Variants in SLC7A11 observed in about 807,000 individuals in gnomAD.
The protein encoded by SLC7A11 is solute carrier family 7 member 11.
In SLC7A11, 35 loss-of-function variants were observed where a neutral mutation model predicts 54.5. The observed-to-expected ratio is 0.64, with a 90% CI of 0.49 to 0.85. The LOEUF (loss-of-function observed/expected upper bound fraction) is 0.85. Ranked by LOEUF, SLC7A11 falls within the 40% of genes least tolerant of loss-of-function variation. The pLI is 0.00. For synonymous variants in SLC7A11, 230 were observed against 225.2 expected (o/e 1.02, Z -0.19); for missense variants, 583 against 618.1 (o/e 0.94, Z 0.60).
intron 3 of SLC7A11, among the ~76,000 whole-genome samples, chr4:138,226,924 T>C (rs1479277335): frequency 6.6e-6 from 1 of 152,202 alleles, no homozygotes; most frequent in Non-Finnish European, 1.5e-5. Flanking sequence ...CAGGGACATA[T>C]AGTTTTTATT....
At position 138,223,223 on chromosome 4, in the gene SLC7A11, G is replaced by A. The variant is rs768960163; in HGVS notation, c.622C>T (p.Pro208Ser). 1 of 1,613,214 alleles carries A rather than the reference G, an allele frequency of 6.2e-7. No homozygotes were observed. The highest frequency in any genetic ancestry group is 1.7e-5 in the Admixed American group (1 of 59,964). The change falls in exon 4 of 12, where the codon CCT becomes TCT. Residue 208 changes from proline (P) to serine (S), a missense_variant. Transcript: ENST00000280612. ...KLTAILIIIV[P>S]GVMQLIKGQT... ...CCTTTAATTAGCTGCATAACTCCAG[G>A]GACTATAATTATCAGAATTGCTGTG...
intron 7 of SLC7A11, 123 bp downstream of exon 7, chr4:138,184,998 T>C: frequency 9.4e-7 from 1 of 1,065,674 alleles, no homozygotes; most frequent in Non-Finnish European, 1.4e-6. Context: ...AAATATTCAC[T>C]ATTATTCAGG....
At position 138,171,735 on chromosome 4, in the gene SLC7A11, G is replaced by A. The variant is rs28475437; in HGVS notation, c.*221C>T. 1,446 of 492,728 alleles carry A rather than the reference G, an allele frequency of 2.9e-3. 18 individuals are homozygous for A. Among genetic ancestry groups the A allele is most frequent in the African/African-American group, 0.026 (1,292 of 48,870 alleles). 30.5% of individuals were successfully genotyped at this position (492,728 alleles called of 1,614,324 possible). A position where few individuals can be genotyped will look rare whatever the true frequency, so the allele number is the denominator to read the frequency against. Reference sequence around the variant, plus strand: ...GGTATCAGAGACTCAAGAATTGTGCGACTCATAGAATAACTGCATATTCAC... The same window carrying A: ...GGTATCAGAGACTCAAGAATTGTGCAACTCATAGAATAACTGCATATTCAC... On this transcript the variant is annotated 3_prime_UTR_variant, in exon 12 of 12. Transcript: ENST00000280612.
intron 6 of SLC7A11, among the ~76,000 whole-genome samples, chr4:138,201,101 C>A (rs1737271166): frequency 6.6e-6 from 1 of 152,054 alleles, no homozygotes; most frequent in African/African-American, 2.4e-5. Context: ...CTAGAAATGA[C>A]TTTGCTCATA....
intron 6 of SLC7A11, among the ~76,000 whole-genome samples, chr4:138,189,033 G>A (rs1233598880): frequency 1.3e-5 from 2 of 152,072 alleles, no homozygotes; most frequent in Non-Finnish European, 2.9e-5. Context: ...AAAAGGTCTT[G>A]GATAGTCTTC....
intron 1 of SLC7A11, among the ~76,000 whole-genome samples, chr4:138,237,737 ATTTTTTTTTTTTTT>A (rs1169641615): frequency 0.022 from 211 of 9,712 alleles, 6 homozygotes; most frequent in Admixed American, 0.03. Flanking sequence ...ATATATATAT[ATTTTTTTTTTTTTT>A]TTTTTTTTTT....
chr4:138,215,991 T>C (rs1737670699), intron 5 of SLC7A11, among the ~76,000 whole-genome samples: 5 of 152,164 alleles, frequency 3.3e-5, no homozygotes. Flanking sequence ...GGAAAGGGCT[T>C]GGAGCAGGAT....
chr4:138,186,224 G>T (rs939267427), intron 6 of SLC7A11, among the ~76,000 whole-genome samples: 27 of 152,090 alleles, frequency 1.8e-4, no homozygotes, highest in African/African-American at 6.5e-4. Context: ...TCAACTGCCT[G>T]CACAAAGGCT....
At chr4:138,201,909 C>A (rs1277975048) in intron 6 of SLC7A11, among the ~76,000 whole-genome samples, 1 of 152,106 alleles carries the variant, frequency 6.6e-6, no homozygotes, top group East Asian at 1.9e-4. Context: ...AAAGTCATGA[C>A]AAGGATCGCT....
rs1200713053 is a variant in SLC7A11 at position 138,180,700 on chromosome 4, C to T, written c.1207G>A (p.Ala403Thr). The T allele has an allele frequency of 6.2e-7, 1 of 1,612,874 alleles. No individual in the cohort carries two copies. Among genetic ancestry groups the T allele is most frequent in the Non-Finnish European group, 8.5e-7 (1 of 1,179,396 alleles). ...CGAAGATAAATCAGCCCAGCAACTG[C>T]CAGCCCAATAAAAAGCCACCTGGCA... ...SFARWLFIGL[A>T]VAGLIYLRYK... The change falls in exon 10 of 12, where the codon GCA becomes ACA. Residue 403 changes from alanine (A) to threonine (T), a missense_variant. By Grantham distance (58) the Ala-to-Thr change is moderately conservative. Coordinates refer to ENST00000280612, the MANE Select transcript of SLC7A11 (RefSeq NM_014331.4).
At chr4:138,225,303 A>AT (rs1439779858) in intron 3 of SLC7A11, among the ~76,000 whole-genome samples, 1 of 151,650 alleles carries the variant, frequency 6.6e-6, no homozygotes, top group Non-Finnish European at 1.5e-5. Flanking sequence ...AAACTCCAAG[A>AT]TGGGAAAAAT....
chr4:138,223,408 C>A (rs557558304), intron 3 of SLC7A11, 84 bp from the exon 4 acceptor site: 151 of 1,432,126 alleles, frequency 1.1e-4, no homozygotes, highest in Non-Finnish European at 1.4e-4. Context: ...AAAGGGCAAT[C>A]TGTGAGGCAG....
intron 6 of SLC7A11, among the ~76,000 whole-genome samples, chr4:138,202,994 C>T (rs79876725): frequency 0.025 from 3,767 of 152,036 alleles, 65 homozygotes; most frequent in African/African-American, 0.043. Context: ...CTTTAATACA[C>T]CTTATTTAAA....
rs35108180 is a variant in SLC7A11, at chr4:138,165,092, A to G, written c.*6864T>C. On this transcript the variant is annotated 3_prime_UTR_variant, in exon 12 of 12. Coordinates refer to ENST00000280612, the MANE Select transcript of SLC7A11 (RefSeq NM_014331.4). ...AATAATATGTTAACATAAACATAACAACACACATATTATTTTTCTACCCCT... is the reference window on the plus strand; with the variant it reads ...AATAATATGTTAACATAAACATAACGACACACATATTATTTTTCTACCCCT... The G allele has an allele frequency of 0.16, 25,108 of 152,504 alleles. 2,948 individuals are homozygous for G. Among genetic ancestry groups the G allele is most frequent in the East Asian group, 0.55 (2,850 of 5,168 alleles). The allele number at this position is 152,504 out of a possible 1,614,324, so 9.4% of individuals were successfully genotyped here.
rs1007089331 is a variant in SLC7A11, at chr4:138,168,324, A to G, written c.*3632T>C. 19 of 152,312 alleles carry G rather than the reference A, an allele frequency of 1.2e-4. No homozygotes were observed. The highest frequency in any genetic ancestry group is 4.6e-4 in the African/African-American group (19 of 41,572). The allele number at this position is 152,312 out of a possible 1,614,324, so 9.4% of individuals were successfully genotyped here. ...TATTTCTCTGACTATATTGCATAAC[A>G]TTAAAATATTGTTACCTTCAGTCCA... On this transcript the variant is annotated 3_prime_UTR_variant, in exon 12 of 12. Coordinates refer to ENST00000280612, the MANE Select transcript of SLC7A11 (RefSeq NM_014331.4).
intron 6 of SLC7A11, among the ~76,000 whole-genome samples, chr4:138,191,697 T>C (rs888521776): frequency 1.3e-5 from 2 of 152,208 alleles, no homozygotes; most frequent in East Asian, 1.9e-4. Context: ...AATAAATTCA[T>C]GACTAAATAA....
chr4:138,178,750 A>G (rs1235946069), intron 11 of SLC7A11, among the ~76,000 whole-genome samples: 2 of 152,110 alleles, frequency 1.3e-5, no homozygotes, highest in Admixed American at 1.3e-4. Flanking sequence ...TGTTATTATA[A>G]TCCTTCATGA....
At chr4:138,175,557 T>C (rs1310774111) in intron 11 of SLC7A11, 1 of 152,072 alleles carries the variant, frequency 6.6e-6, no homozygotes, top group Non-Finnish European at 1.5e-5. Context: ...ATAAATAATA[T>C]AACTAACCCA....
rs572039955 is a variant in SLC7A11 at position 138,212,696 on chromosome 4, A to T, written c.791+1889T>A. Among the ~76,000 whole-genome samples the T allele has an allele frequency of 2.5e-4, 38 of 152,022 alleles. No homozygotes were observed. In the East Asian group the frequency reaches 6.4e-3, roughly 25 times the overall value. ...TTTGGGTTGAGGTAATAACGGCATA[A>T]CTAGCTTCAAGATATGCTTAATATA... On this transcript the variant is annotated intron_variant, in intron 6 of 11. Coordinates refer to ENST00000280612, the MANE Select transcript of SLC7A11 (RefSeq NM_014331.4).
Sources: allele counts gnomAD v4.1 joint callset (sites outside exome capture counted in the v4.1 genomes callset), GRCh38; gene constraint gnomAD v4.1.1; transcripts MANE v1.5; gene names NCBI Gene and HGNC (gene_info 2026-07-23, HGNC 2026-07-21).